The following SCGN variants were observed in gnomAD, a reference collection of about 807,000 sequenced individuals.
SCGN encodes secretagogin, EF-hand calcium binding protein.
In SCGN, 30 loss-of-function variants were observed where a neutral mutation model predicts 39.7. That is an observed-to-expected ratio of 0.76 (90% CI 0.57 to 1.03). SCGN has a LOEUF of 1.03. Ranked by LOEUF, SCGN falls within the 50% of genes least tolerant of loss-of-function variation. The probability of loss-of-function intolerance (pLI) is 0.00; values close to 1 mark genes in which losing one functional copy is unlikely to be tolerated. For synonymous variants in SCGN, 106 were observed against 114.1 expected (o/e 0.93, Z 0.45); for missense variants, 353 against 349.4 (o/e 1.01, Z -0.08).
chr6:25,701,200 C>A lies in SCGN; in HGVS notation c.703-7C>A. 1.2e-6 allele frequency: 2 copies of A among 1,606,668 alleles called. No individual in the cohort carries two copies. Among genetic ancestry groups the A allele is most frequent in the Admixed American group, 1.7e-5 (1 of 59,150 alleles). ...GCCTGTTAACATGTTACTTTTGTCG[C>A]CCTCAGCCCAGCATCAGCGGGGTGG... On this transcript the variant is annotated splice_polypyrimidine_tract_variant and splice_region_variant and intron_variant, in intron 10 of 10. Coordinates refer to ENST00000377961, the MANE Select transcript of SCGN (RefSeq NM_006998.4).
intron 10 of SCGN, among the ~76,000 whole-genome samples, chr6:25,700,114 G>A (rs35436081): frequency 0.076 from 11,520 of 151,604 alleles, 484 homozygotes; most frequent in Non-Finnish European, 0.099. Flanking sequence ...GCATGATGGC[G>A]GGTGACTGTA....
chr6:25,697,897 A>G (rs907440306), intron 10 of SCGN, among the ~76,000 whole-genome samples: 2 of 152,206 alleles, frequency 1.3e-5, no homozygotes, highest in African/African-American at 4.8e-5. Context: ...TGGTTCTGAC[A>G]TGTGTCAGCT....
At position 25,661,653 on chromosome 6, in the gene SCGN, A is replaced by G; in HGVS notation, c.246+9A>G. Reference sequence around the variant, plus strand: ...GCATTCGGATGAAAGAGGTAACTTTACTGACAGTATTTTTCATGGCTCTAC... The same window carrying G: ...GCATTCGGATGAAAGAGGTAACTTTGCTGACAGTATTTTTCATGGCTCTAC... On this transcript the variant is annotated intron_variant, in intron 3 of 10. Coordinates refer to ENST00000377961, the MANE Select transcript of SCGN (RefSeq NM_006998.4). The G allele has an allele frequency of 6.3e-7, 1 of 1,585,866 alleles. No homozygotes were observed. Among genetic ancestry groups the G allele is most frequent in the Non-Finnish European group, 8.7e-7 (1 of 1,154,550 alleles).
chr6:25,688,110 CAAAA>C (rs1212256531), intron 7 of SCGN, among the ~76,000 whole-genome samples: 1 of 152,122 alleles, frequency 6.6e-6, no homozygotes, highest in East Asian at 1.9e-4. Context: ...AAGTTACACA[CAAAA>C]AATACATTTA....
Position 25,652,386 on chromosome 6 carries a change from G to A in SCGN, c.-18G>A, listed in dbSNP as rs761534456. 1.2e-4 allele frequency: 199 copies of A among 1,613,060 alleles called. 1 individual carries two copies. The highest frequency in any genetic ancestry group is 1.6e-4 in the Non-Finnish European group (192 of 1,179,224). On this transcript the variant is annotated 5_prime_UTR_variant, in exon 1 of 11. Coordinates refer to ENST00000377961, the MANE Select transcript of SCGN (RefSeq NM_006998.4). ...CTAGGTCCTTCCGCGCCGGTGCCTGGTCTTCGTCGTCAACACCATGGACAG... is the reference window on the plus strand; with the variant it reads ...CTAGGTCCTTCCGCGCCGGTGCCTGATCTTCGTCGTCAACACCATGGACAG...
intron 9 of SCGN, 59 bp downstream of exon 9, chr6:25,689,591 C>A (rs976697973): frequency 2.9e-6 from 4 of 1,381,482 alleles, no homozygotes; most frequent in Non-Finnish European, 4.1e-6. Flanking sequence ...TATTTAACCC[C>A]TATGTGGAGC....
chr6:25,684,582 G>A (rs575018240), intron 7 of SCGN, among the ~76,000 whole-genome samples: 1 of 152,262 alleles, frequency 6.6e-6, no homozygotes, highest in Non-Finnish European at 1.5e-5. Flanking sequence ...ATCACTTGAG[G>A]TCAGAGTTTG....
chr6:25,657,194 G>A (rs1384368328), intron 2 of SCGN, among the ~76,000 whole-genome samples: 1 of 152,098 alleles, frequency 6.6e-6, no homozygotes, highest in African/African-American at 2.4e-5. Context: ...GAGTCTCAAA[G>A]AACCTGTTCA....
intron 2 of SCGN, among the ~76,000 whole-genome samples, chr6:25,658,002 CCTTTTTTTTTTTTTTTTTTTTTTTT>C (rs60085924): frequency 0.028 from 1,350 of 47,656 alleles, 231 homozygotes; most frequent in Admixed American, 0.04. Flanking sequence ...AGAAAGGTAT[CCTTTTTTTTTTTTTTTTTTTTTTTT>C]TTTTTTTTTT....
intron 6 of SCGN, among the ~76,000 whole-genome samples, chr6:25,677,164 G>T (rs921592956): frequency 2.6e-5 from 4 of 151,842 alleles, no homozygotes; most frequent in Admixed American, 2.0e-4. Context: ...TCTACCTCAT[G>T]TCCAAATCCT....
chr6:25,668,654 G>C (rs968877005), intron 4 of SCGN, among the ~76,000 whole-genome samples: 1 of 152,170 alleles, frequency 6.6e-6, no homozygotes, highest in African/African-American at 2.4e-5. Context: ...TCTACCACAT[G>C]TGCAGTTTTC....
At chr6:25,660,225 A>G (rs1314290907) in intron 2 of SCGN, among the ~76,000 whole-genome samples, 5 of 152,080 alleles carry the variant, frequency 3.3e-5, no homozygotes, top group African/African-American at 9.7e-5. Flanking sequence ...CTTCTTTCCT[A>G]TTCTTAGCAA....
intron 6 of SCGN, among the ~76,000 whole-genome samples, chr6:25,676,628 T>G (rs749004432): frequency 6.6e-6 from 1 of 152,240 alleles, no homozygotes; most frequent in Non-Finnish European, 1.5e-5. Context: ...GCTTTCCATT[T>G]CCATCCTATT....
In SCGN at chr6:25,653,369, T is replaced by G. The variant is rs1488975854; in HGVS notation, c.83-13T>G. On this transcript the variant is annotated splice_polypyrimidine_tract_variant and intron_variant, in intron 1 of 10. Transcript: ENST00000377961. The stretch of plus-strand genomic sequence containing the variant: ...TATGTTAGTATTATTTATGTTTATT[T>G]TCTCACATTTAGAAAAAGGTTACAT... 1.3e-6 allele frequency: 2 copies of G among 1,561,478 alleles called. No homozygotes were observed. The highest frequency in any genetic ancestry group is 3.4e-5 in the Admixed American group (2 of 59,516).
At chr6:25,700,875 G>A (rs1484186476) in intron 10 of SCGN, among the ~76,000 whole-genome samples, 1 of 152,104 alleles carries the variant, frequency 6.6e-6, no homozygotes, top group Non-Finnish European at 1.5e-5. Flanking sequence ...AGTGCAGCAA[G>A]GCAGAAATTT....
At position 25,701,470 on chromosome 6, in the gene SCGN, G is replaced by T. The variant is rs111483067; in HGVS notation, c.*135G>T. 3.1e-3 allele frequency: 3,207 copies of T among 1,044,838 alleles called. 60 individuals are homozygous for T. The African/African-American group carries it at 0.041, about 13-fold the overall frequency. 64.7% of individuals were successfully genotyped at this position (1,044,838 alleles called of 1,614,324 possible). ...GCTATTCTTGGGCAAGAACAGGGAC[G>T]CTAGGGCCTTCCTTCCACCGGCGTG... On this transcript the variant is annotated 3_prime_UTR_variant, in exon 11 of 11. Coordinates refer to ENST00000377961, the MANE Select transcript of SCGN (RefSeq NM_006998.4).
intron 10 of SCGN, among the ~76,000 whole-genome samples, chr6:25,700,655 T>C (rs907389336): frequency 6.6e-6 from 1 of 152,248 alleles, no homozygotes; most frequent in Non-Finnish European, 1.5e-5. Context: ...TGCAGGCCTT[T>C]GAGCTTGAAG....
chr6:25,689,669 G>GTAC, intron 9 of SCGN, 137 bp downstream of exon 9: 2 of 704,232 alleles, frequency 2.8e-6, no homozygotes, highest in Non-Finnish European at 5.0e-6. Context: ...CTAGGTCAAG[G>GTAC]TACTCTCAAC....
chr6:25,666,316 T>C (rs893511350), intron 4 of SCGN, among the ~76,000 whole-genome samples: 3 of 152,018 alleles, frequency 2.0e-5, no homozygotes, highest in African/African-American at 7.3e-5. Flanking sequence ...GATCGCACCA[T>C]TGCACTCCAG....
Sources: gnomAD v4.1 joint callset for allele counts (sites outside exome capture counted in the v4.1 genomes callset) on GRCh38, gnomAD v4.1.1 for gene constraint, MANE v1.5 for transcripts, NCBI Gene and HGNC (gene_info 2026-07-23, HGNC 2026-07-21) for gene names.